FBXL17: variants seen among roughly 807,000 people sequenced by gnomAD.
The protein encoded by FBXL17 is F-box and leucine rich repeat protein 17.
A neutral mutation model predicts 66.2 loss-of-function variants in FBXL17; 22 were observed. That is an observed-to-expected ratio of 0.33 (90% CI 0.24 to 0.47). FBXL17 has a LOEUF of 0.47. FBXL17 is among the 20% of genes least tolerant of loss of function. FBXL17 has a pLI of 1.00. For synonymous variants in FBXL17, 474 were observed against 400.5 expected (o/e 1.18, Z -2.19); for missense variants, 878 against 948.2 (o/e 0.93, Z 0.97).
intron 7 of FBXL17, among the ~76,000 whole-genome samples, chr5:108,003,009 T>C (rs1235833912): frequency 6.6e-6 from 1 of 152,236 alleles, no homozygotes; most frequent in African/African-American, 2.4e-5. Flanking sequence ...TTTACTAAAA[T>C]AATTGAAATG....
intron 6 of FBXL17, among the ~76,000 whole-genome samples, chr5:108,022,281 ATGAT>A (rs1462251352): frequency 6.6e-6 from 1 of 151,986 alleles, no homozygotes; most frequent in Non-Finnish European, 1.5e-5. Context: ...CAATGCAATT[ATGAT>A]TGATACAGGT....
intron 6 of FBXL17, among the ~76,000 whole-genome samples, chr5:108,025,905 G>T (rs368651062): frequency 2.1e-5 from 3 of 144,698 alleles, no homozygotes; most frequent in African/African-American, 7.3e-5. Flanking sequence ...ACACAATTTG[G>T]TATCTTACAG....
chr5:108,043,043 T>C (rs1309059350), intron 6 of FBXL17, among the ~76,000 whole-genome samples: 1 of 152,206 alleles, frequency 6.6e-6, no homozygotes, highest in Non-Finnish European at 1.5e-5. Context: ...CAGTGAAATG[T>C]CTATGTCATT....
intron 7 of FBXL17, among the ~76,000 whole-genome samples, chr5:108,018,088 G>A (rs1019454738): frequency 6.6e-6 from 1 of 152,002 alleles, no homozygotes; most frequent in Non-Finnish European, 1.5e-5. Flanking sequence ...CTAAAAGAAT[G>A]TACATACCCA....
At chr5:108,211,620 A>C (rs967742060) in intron 5 of FBXL17, among the ~76,000 whole-genome samples, 1 of 152,202 alleles carries the variant, frequency 6.6e-6, no homozygotes, top group African/African-American at 2.4e-5. Context: ...TCTGGGTTGA[A>C]AATTCTTTTC....
chr5:107,997,832 T>G lies in FBXL17; in HGVS notation c.1822+23093A>C, dbSNP rs536530705. ...TCAACACCCTGAGTCACTAAGACAA[T>G]AAACAAAATAAAATTCATGTTCAGT... is the stretch of plus-strand genomic sequence containing the variant. On this transcript the variant is annotated intron_variant, in intron 7 of 8. Coordinates refer to ENST00000542267, the MANE Select transcript of FBXL17 (RefSeq NM_001163315.3). 5.7e-3 allele frequency among the ~76,000 whole-genome samples: 861 copies of G among 152,280 alleles called. 3 individuals carry two copies. The highest frequency in any genetic ancestry group is 9.2e-3 in the Non-Finnish European group (627 of 68,020).
At chr5:108,140,508 C>A (rs767955802) in intron 6 of FBXL17, among the ~76,000 whole-genome samples, 1 of 152,188 alleles carries the variant, frequency 6.6e-6, no homozygotes, top group South Asian at 2.1e-4. Context: ...GACAACTTTG[C>A]CTATTTTTCA....
At chr5:108,116,675 T>C (rs543325837) in intron 6 of FBXL17, among the ~76,000 whole-genome samples, 1 of 151,394 alleles carries the variant, frequency 6.6e-6, no homozygotes, top group African/African-American at 2.4e-5. Flanking sequence ...AAAAAAATAA[T>C]AATAAAACAA....
At chr5:108,065,233 G>C (rs1748074083) in intron 6 of FBXL17, among the ~76,000 whole-genome samples, 1 of 152,100 alleles carries the variant, frequency 6.6e-6, no homozygotes, top group Non-Finnish European at 1.5e-5. Context: ...TAAGAGCATA[G>C]CATACATGCT....
chr5:108,310,761 C>A (rs953267719), intron 4 of FBXL17, among the ~76,000 whole-genome samples: 1 of 152,098 alleles, frequency 6.6e-6, no homozygotes, highest in East Asian at 1.9e-4. Flanking sequence ...ACTTAAGCAT[C>A]GTAATATGGA....
rs1194931965 is a variant in FBXL17 at position 108,381,732 on chromosome 5, G to A, written c.-41C>T. Reference sequence around the variant, plus strand: ...GAGGGGGACCGGGACGGGAGGGAGGGAGACCCAGAGAGGCGGGCTCCCGGC... The same window carrying A: ...GAGGGGGACCGGGACGGGAGGGAGGAAGACCCAGAGAGGCGGGCTCCCGGC... On this transcript the variant is annotated 5_prime_UTR_variant, in exon 1 of 9. Transcript: ENST00000542267. The A allele has an allele frequency of 1.1e-5, 15 of 1,389,248 alleles. No homozygotes were observed. The highest frequency in any genetic ancestry group is 1.4e-5 in the Non-Finnish European group (15 of 1,078,042). 86.1% of individuals were successfully genotyped at this position (1,389,248 alleles called of 1,614,324 possible).
At chr5:108,189,650 T>C (rs1358051155) in intron 5 of FBXL17, among the ~76,000 whole-genome samples, 1 of 152,172 alleles carries the variant, frequency 6.6e-6, no homozygotes, top group Non-Finnish European at 1.5e-5. Flanking sequence ...CAAAGAGATT[T>C]AGCAGCTATA....
chr5:108,210,822 T>C (rs1258394984), intron 5 of FBXL17, among the ~76,000 whole-genome samples: 1 of 152,202 alleles, frequency 6.6e-6, no homozygotes, highest in Non-Finnish European at 1.5e-5. Context: ...AGATGTCCAT[T>C]AGGTCCTCTT....
intron 4 of FBXL17, among the ~76,000 whole-genome samples, chr5:108,230,793 G>A (rs1755302337): frequency 6.7e-6 from 1 of 148,378 alleles, no homozygotes. Context: ...GGACTTTGGG[G>A]GAAGGGTTGG....
intron 7 of FBXL17, among the ~76,000 whole-genome samples, chr5:107,914,909 TC>T (rs1270704384): frequency 3.9e-5 from 6 of 152,150 alleles, no homozygotes; most frequent in Admixed American, 3.9e-4. Flanking sequence ...CTAATAAACC[TC>T]CCTTCTTTGT....
intron 4 of FBXL17, among the ~76,000 whole-genome samples, chr5:108,316,448 CT>C (rs1414671258): frequency 6.6e-6 from 1 of 151,388 alleles, no homozygotes; most frequent in Admixed American, 6.6e-5. Context: ...ATAAAATCCT[CT>C]TTTAAAACAC....
intron 4 of FBXL17, among the ~76,000 whole-genome samples, chr5:108,266,618 A>T (rs939368476): frequency 9.2e-5 from 14 of 152,142 alleles, no homozygotes; most frequent in African/African-American, 3.1e-4. Flanking sequence ...TGCTTCCTTT[A>T]AGTAAAAAGG....
chr5:108,117,745 C>T (rs1229074186), intron 6 of FBXL17, among the ~76,000 whole-genome samples: 1 of 152,104 alleles, frequency 6.6e-6, no homozygotes, highest in Non-Finnish European at 1.5e-5. Context: ...ACTAACTACA[C>T]CCCCTCTCGG....
At position 108,072,171 on chromosome 5, in the gene FBXL17, A is replaced by G. The variant is rs533301631; in HGVS notation, c.1746-51170T>C. 2.0e-5 allele frequency among the ~76,000 whole-genome samples: 3 copies of G among 152,264 alleles called. No individual in the cohort carries two copies. The East Asian group carries it at 5.8e-4, about 29-fold the overall frequency. ...GTTTATGCCAGCAACACTTATCTAC[A>G]TGGAATTCAACTGAGATTCCACGTG... On this transcript the variant is annotated intron_variant, in intron 6 of 8. Coordinates refer to ENST00000542267, the MANE Select transcript of FBXL17 (RefSeq NM_001163315.3).
Sources: gnomAD v4.1 joint callset for allele counts (sites outside exome capture counted in the v4.1 genomes callset) on GRCh38, gnomAD v4.1.1 for gene constraint, MANE v1.5 for transcripts, NCBI Gene and HGNC (gene_info 2026-07-23, HGNC 2026-07-21) for gene names.